Variants in NYAP2 observed in about 807,000 individuals in gnomAD.
The protein encoded by NYAP2 is neuronal tyrosine-phosphorylated phosphoinositide-3-kinase adaptor 2, also known as neuronal tyrosine-phosphorylated phosphoinositide-3-kinase adapter 2.
NYAP2 carries 23 observed loss-of-function variants against 50.4 expected under a neutral mutation model. The ratio of observed to expected loss-of-function variants is 0.46; its 90% confidence interval spans 0.33 to 0.65. The LOEUF is 0.65. NYAP2 is among the 30% of genes least tolerant of loss of function. The pLI is 0.02. For missense variants in NYAP2, 885 were observed against 861.0 expected (o/e 1.03, Z -0.35); for synonymous variants, 394 against 365.2 (o/e 1.08, Z -0.90).
At chr2:225,627,656 C>G (rs774447653) in intron 6 of NYAP2, among the ~76,000 whole-genome samples, 5 of 152,100 alleles carry the variant, frequency 3.3e-5, no homozygotes, top group Non-Finnish European at 7.4e-5. Context: ...ATTCCCAAAT[C>G]TAAGTCAAAG....
intron 5 of NYAP2, among the ~76,000 whole-genome samples, chr2:225,598,651 C>T (rs977631536): frequency 1.6e-4 from 25 of 152,128 alleles, no homozygotes; most frequent in Admixed American, 1.2e-3. Context: ...GAATGCTAAC[C>T]TCCTAAATAC....
chr2:225,493,362 T>C (rs149737513), intron 3 of NYAP2, among the ~76,000 whole-genome samples: 1 of 152,358 alleles, frequency 6.6e-6, no homozygotes, highest in South Asian at 2.1e-4. Flanking sequence ...AATAGTGATG[T>C]TGCCATTCAC....
At chr2:225,531,611 A>G (rs900384048) in intron 4 of NYAP2, among the ~76,000 whole-genome samples, 1 of 152,240 alleles carries the variant, frequency 6.6e-6, no homozygotes, top group African/African-American at 2.4e-5. Flanking sequence ...TTCATAAATA[A>G]GTCTTTCAGG....
intron 5 of NYAP2, among the ~76,000 whole-genome samples, chr2:225,621,137 A>G (rs1390263106): frequency 6.7e-6 from 1 of 150,340 alleles, no homozygotes; most frequent in Non-Finnish European, 1.5e-5. Flanking sequence ...AAAAAAATCT[A>G]GAAGAGAAGG....
intron 4 of NYAP2, among the ~76,000 whole-genome samples, chr2:225,543,562 C>G (rs1691514283): frequency 6.6e-6 from 1 of 151,922 alleles, no homozygotes; most frequent in Admixed American, 6.6e-5. Context: ...TGTATAGTTT[C>G]CAAAGTTCCT....
intron 3 of NYAP2, among the ~76,000 whole-genome samples, chr2:225,470,811 A>ATGTGTGTG (rs113075606): frequency 0.036 from 5,387 of 148,182 alleles, 124 homozygotes; most frequent in Middle Eastern, 0.09. Flanking sequence ...ATGTATGTAT[A>ATGTGTGTG]TGTGTGTGTG....
intron 4 of NYAP2, among the ~76,000 whole-genome samples, chr2:225,570,071 G>A (rs986378325): frequency 6.6e-6 from 1 of 152,222 alleles, no homozygotes; most frequent in African/African-American, 2.4e-5. Flanking sequence ...GACATCCCAT[G>A]TCTAGAACAG....
the NYAP2 span, among the ~76,000 whole-genome samples, chr2:225,695,695 A>AT: frequency 6.6e-6 from 1 of 151,850 alleles, no homozygotes; most frequent in African/African-American, 2.4e-5. Context: ...GAGTTACTGC[A>AT]TTTTTATTGC....
chr2:225,513,949 A>G (rs1000147470), intron 4 of NYAP2, among the ~76,000 whole-genome samples: 8 of 152,258 alleles, frequency 5.3e-5, no homozygotes, highest in Admixed American at 3.3e-4. Flanking sequence ...GCCCAGAAAT[A>G]TATCTAAAAG....
chr2:225,416,854 G>T (rs1265286864), intron 3 of NYAP2, among the ~76,000 whole-genome samples: 1 of 152,162 alleles, frequency 6.6e-6, no homozygotes, highest in Non-Finnish European at 1.5e-5. Context: ...GAGCTACTCA[G>T]TCAGCATGAG....
At chr2:225,605,787 C>T (rs1692774501) in intron 5 of NYAP2, among the ~76,000 whole-genome samples, 1 of 152,060 alleles carries the variant, frequency 6.6e-6, no homozygotes, top group South Asian at 2.1e-4. Flanking sequence ...TAGATTAGCT[C>T]CTATTTATTT....
At chr2:225,487,762 G>A (rs1011791205) in intron 3 of NYAP2, among the ~76,000 whole-genome samples, 3 of 152,152 alleles carry the variant, frequency 2.0e-5, no homozygotes, top group Non-Finnish European at 2.9e-5. Flanking sequence ...GGGGATGTTT[G>A]TTCATAGATA....
At chr2:225,406,671 T>A (rs1005410802) in intron 2 of NYAP2, among the ~76,000 whole-genome samples, 5 of 152,016 alleles carry the variant, frequency 3.3e-5, no homozygotes, top group Non-Finnish European at 7.4e-5. Flanking sequence ...TTACTAGATG[T>A]GATGGTTCAT....
At chr2:225,602,901 C>T (rs1451778193) in intron 5 of NYAP2, among the ~76,000 whole-genome samples, 1 of 151,812 alleles carries the variant, frequency 6.6e-6, no homozygotes, top group Non-Finnish European at 1.5e-5. Context: ...CAATTTTGTT[C>T]TTCTTTTTCA....
At chr2:225,405,623 C>T (rs1368215937) in intron 2 of NYAP2, among the ~76,000 whole-genome samples, 2 of 151,978 alleles carry the variant, frequency 1.3e-5, no homozygotes. Context: ...AGACAATGAA[C>T]ATAAGGTTCT....
chr2:225,668,951 C>A, the NYAP2 span, among the ~76,000 whole-genome samples: 2 of 130,290 alleles, frequency 1.5e-5, no homozygotes, highest in East Asian at 2.4e-4. Flanking sequence ...AATTGGTGTC[C>A]CCTGCTTTTT....
At chr2:225,451,349 T>C (rs1221115389) in intron 3 of NYAP2, among the ~76,000 whole-genome samples, 1 of 152,202 alleles carries the variant, frequency 6.6e-6, no homozygotes, top group Non-Finnish European at 1.5e-5. Context: ...TCAATATTAA[T>C]ATTTTCTTTA....
intron 3 of NYAP2, among the ~76,000 whole-genome samples, chr2:225,420,171 T>C (rs537671715): frequency 1.3e-5 from 2 of 152,184 alleles, no homozygotes; most frequent in Non-Finnish European, 2.9e-5. Flanking sequence ...TCCTAGGGAA[T>C]AGTAAATAAG....
At chr2:225,646,082 G>T (rs1043990406) in intron 6 of NYAP2, among the ~76,000 whole-genome samples, 4 of 152,168 alleles carry the variant, frequency 2.6e-5, no homozygotes, top group African/African-American at 4.8e-5. Context: ...ATGATTGCTT[G>T]AGATAATTCT....
Sources: gnomAD v4.1 joint callset for allele counts (sites outside exome capture counted in the v4.1 genomes callset) on GRCh38, gnomAD v4.1.1 for gene constraint, MANE v1.5 for transcripts, NCBI Gene and HGNC (gene_info 2026-07-23, HGNC 2026-07-21) for gene names.